The following CPXM2 variants were observed in gnomAD, a reference collection of about 807,000 sequenced individuals.
The protein encoded by CPXM2 is carboxypeptidase X, M14 family member 2.
CPXM2 carries 66 observed loss-of-function variants against 86.1 expected under a neutral mutation model. The ratio of observed to expected loss-of-function variants is 0.77; its 90% CI spans 0.63 to 0.94. The LOEUF is 0.94. Ranked by LOEUF, CPXM2 falls within the 40% of genes least tolerant of loss-of-function variation. The pLI is 0.00. For missense variants in CPXM2, 948 were observed against 1,026.3 expected (o/e 0.92, Z 1.04); for synonymous variants, 388 against 400.2 (o/e 0.97, Z 0.36).
rs997940202 is a variant in CPXM2 at position 123,915,390 on chromosome 10, G to A, written n.174+24087C>T. On this transcript the variant is annotated intron_variant and non_coding_transcript_variant, in intron 2 of 19. Transcript: ENST00000368854. ...CTGGCCAACATGGCGAAACCCTATC[G>A]CTACTAAAAATATGAAAATTAACCA... 7.2e-5 allele frequency among the ~76,000 whole-genome samples: 11 copies of A among 151,984 alleles called. 1 individual carries two copies. Among genetic ancestry groups the A allele is most frequent in the South Asian group, 6.2e-4 (3 of 4,822 alleles).
upstream of CPXM2, among the ~76,000 whole-genome samples, chr10:123,893,536 G>A (rs1255914672): frequency 6.6e-6 from 1 of 152,198 alleles, no homozygotes; most frequent in East Asian, 1.9e-4. Flanking sequence ...GGACCAGGAG[G>A]CCTTGGTCCT....
intron 4 of CPXM2, among the ~76,000 whole-genome samples, chr10:123,832,948 T>C (rs540424304): frequency 2.0e-5 from 3 of 152,152 alleles, no homozygotes; most frequent in Non-Finnish European, 4.4e-5. Context: ...CTTTCCGCCA[T>C]GGGAGGAGGA....
chr10:123,802,902 C>G (rs1163182034), intron 4 of CPXM2, among the ~76,000 whole-genome samples: 8 of 151,994 alleles, frequency 5.3e-5, no homozygotes, highest in Non-Finnish European at 4.4e-5. Flanking sequence ...TACTTGGTGA[C>G]TAATGAAGTT....
intron 2 of CPXM2, among the ~76,000 whole-genome samples, chr10:123,910,116 G>A (rs1042632984): frequency 1.3e-5 from 2 of 152,082 alleles, no homozygotes; most frequent in Non-Finnish European, 2.9e-5. Flanking sequence ...ACAGAGGCTG[G>A]AATGTCCCTC....
intron 4 of CPXM2, among the ~76,000 whole-genome samples, chr10:123,833,131 C>T (rs997612625): frequency 5.3e-5 from 8 of 152,164 alleles, no homozygotes; most frequent in African/African-American, 1.9e-4. Context: ...TTTGTTATAG[C>T]ATCATGAACA....
At chr10:123,868,759 A>G (rs1447467992) in intron 2 of CPXM2, among the ~76,000 whole-genome samples, 2 of 152,156 alleles carry the variant, frequency 1.3e-5, no homozygotes, top group African/African-American at 4.8e-5. Flanking sequence ...GCCCAGAAAC[A>G]TAGACACAAA....
chr10:123,912,668 C>T (rs187755282), intron 2 of CPXM2, among the ~76,000 whole-genome samples: 1 of 152,184 alleles, frequency 6.6e-6, no homozygotes, highest in African/African-American at 2.4e-5. Context: ...ACGCCCAGCC[C>T]TCTCCACTCC....
At chr10:123,881,595 G>A (rs987715133) in intron 1 of CPXM2, among the ~76,000 whole-genome samples, 3 of 152,208 alleles carry the variant, frequency 2.0e-5, no homozygotes, top group African/African-American at 7.2e-5. Flanking sequence ...GGGACAAGGA[G>A]CTGTCATTTC....
Position 123,771,016 on chromosome 10 carries a change from C to T in CPXM2, c.1002G>A (p.Met334Ile), listed in dbSNP as rs1846617550. Residue 334 changes from methionine (M) to isoleucine (I), a missense_variant, in exon 8 of 14, where the codon ATG becomes ATA. Transcript: ENST00000241305. ...MRQLMKVVNEMCPNITRIYNI... is the reference protein window; with the variant it reads ...MRQLMKVVNEICPNITRIYNI... ...TGTAAATTCTGGTGATATTGGGACA[C>T]ATTTCATTCACAACTTTCATCAACT... is the stretch of plus-strand genomic sequence containing the variant. 6.2e-7 allele frequency: 1 copy of T among 1,612,910 alleles called. No individual in the cohort carries two copies. The highest frequency in any genetic ancestry group is 8.5e-7 in the Non-Finnish European group (1 of 1,179,108).
rs138637595 is a variant in CPXM2, at chr10:123,812,332, C to T, written c.654-13133G>A. Among the ~76,000 whole-genome samples, 1,383 of 152,226 alleles carry T rather than the reference C, an allele frequency of 9.1e-3. 23 individuals are homozygous for T. Among genetic ancestry groups the T allele is most frequent in the African/African-American group, 0.031 (1,289 of 41,542 alleles). Reference sequence around the variant, plus strand: ...TAATGTTGAGTGGAAAAAGACAATTCCAAAAGCTACATTCAGTATAAAATC... The same window carrying T: ...TAATGTTGAGTGGAAAAAGACAATTTCAAAAGCTACATTCAGTATAAAATC... On this transcript the variant is annotated intron_variant, in intron 4 of 13. Coordinates refer to ENST00000241305, the MANE Select transcript of CPXM2 (RefSeq NM_198148.3).
chr10:123,875,798 CT>C (rs1564808627), intron 2 of CPXM2, among the ~76,000 whole-genome samples: 1 of 107,998 alleles, frequency 9.3e-6, no homozygotes, highest in African/African-American at 3.2e-5. Flanking sequence ...ATGTTTCTTT[CT>C]TTTCTTTCTT....
At chr10:123,880,884 C>A (rs543580614) in intron 1 of CPXM2, among the ~76,000 whole-genome samples, 5 of 147,656 alleles carry the variant, frequency 3.4e-5, no homozygotes, top group African/African-American at 1.2e-4. Flanking sequence ...TACATTTGAC[C>A]CTCACTGAGG....
At chr10:123,759,758 C>T (rs1055238791) in intron 11 of CPXM2, among the ~76,000 whole-genome samples, 2 of 152,200 alleles carry the variant, frequency 1.3e-5, no homozygotes, top group African/African-American at 4.8e-5. Flanking sequence ...TCTGATGCTA[C>T]CACGACACCT....
chr10:123,875,084 T>C (rs1229109582), intron 2 of CPXM2, among the ~76,000 whole-genome samples: 3 of 152,234 alleles, frequency 2.0e-5, no homozygotes, highest in Non-Finnish European at 4.4e-5. Flanking sequence ...ACATGTCTAC[T>C]GTAGGCTACA....
At chr10:123,832,997 C>A (rs767379831) in intron 4 of CPXM2, among the ~76,000 whole-genome samples, 1 of 152,070 alleles carries the variant, frequency 6.6e-6, no homozygotes, top group African/African-American at 2.4e-5. Context: ...AGCAACAAGG[C>A]GCCATCTGGG....
Position 123,754,705 on chromosome 10 carries a change from C to T in CPXM2, c.1975G>A (p.Ala659Thr), listed in dbSNP as rs997705127. 27 of 1,610,212 alleles carry T rather than the reference C, an allele frequency of 1.7e-5. No homozygotes were observed. In the Middle Eastern group the frequency reaches 8.2e-4, roughly 49 times the overall value. The change falls in exon 13 of 14, where the codon GCC (alanine) becomes ACC (threonine). Residue 659 changes from alanine to threonine, a missense_variant. By Grantham distance (58) the Ala-to-Thr change is moderately conservative. Coordinates refer to ENST00000241305, the MANE Select transcript of CPXM2 (RefSeq NM_198148.3). The surrounding 1 kb of genome is among the most constrained non-coding windows in gnomAD (Gnocchi z 4.0). Reference protein sequence around the residue: ...RDSHGKGIPNAIISVEGINHD... With the variant: ...RDSHGKGIPNTIISVEGINHD... The stretch of plus-strand genomic sequence containing the variant: ...TTAATGCCTTCTACGGAGATAATGG[C>T]GTTTGGGATTCCTTTTCCATGTGAA...
At chr10:123,862,777 TTTC>T (rs1848882707) in intron 2 of CPXM2, 54 bp from the exon 3 acceptor site, 1 of 1,467,156 alleles carries the variant, frequency 6.8e-7, no homozygotes, top group Admixed American at 1.7e-5. Context: ...AAGGGATGAG[TTTC>T]TTATTTTCTA....
chr10:123,802,195 C>A (rs185253050), intron 4 of CPXM2, among the ~76,000 whole-genome samples: 1 of 152,184 alleles, frequency 6.6e-6, no homozygotes, highest in Non-Finnish European at 1.5e-5. Flanking sequence ...TAGGGAGCTA[C>A]CCCTCTTGAA....
intron 2 of CPXM2, among the ~76,000 whole-genome samples, chr10:123,931,790 A>C (rs965811376): frequency 1.3e-5 from 2 of 152,218 alleles, no homozygotes; most frequent in Non-Finnish European, 2.9e-5. Context: ...ATAAAATGGG[A>C]GAGTAAACCA....
Sources: gnomAD v4.1 joint callset for allele counts (sites outside exome capture counted in the v4.1 genomes callset) on GRCh38, gnomAD v4.1.1 for gene constraint, Gnocchi (gnomAD v3.1) non-coding constraint, MANE v1.5 for transcripts, NCBI Gene and HGNC (gene_info 2026-07-23, HGNC 2026-07-21) for gene names.